The following MYH14 variants were observed in gnomAD, a reference collection of about 807,000 sequenced individuals.
The protein encoded by MYH14 is myosin heavy chain 14, also known as myosin-14.
MYH14 carries 123 observed loss-of-function variants against 255.5 expected under a neutral mutation model. That is an observed-to-expected ratio of 0.48 (90% CI 0.42 to 0.56). The LOEUF is 0.56. Among genes scored for constraint, MYH14 ranks in the 20% least tolerant of loss-of-function variants. MYH14 has a pLI of 0.00. For synonymous variants in MYH14, 1,095 were observed against 1,161.2 expected, an observed-to-expected ratio of 0.94 and a Z score of 1.16; for missense variants, 2,423 against 2,802.3, an observed-to-expected ratio of 0.86 and a Z score of 3.06.
intron 6 of MYH14, 95 bp downstream of exon 6, chr19:50,224,272 C>A: frequency 6.5e-7 from 1 of 1,540,550 alleles, no homozygotes; most frequent in Non-Finnish European, 9.0e-7. Context: ...CCCAAGGCAG[C>A]AGTGGTCCCA....
In MYH14 at chr19:50,252,880, G is replaced by C; in HGVS notation, c.1945+127G>C. On this transcript the variant is annotated intron_variant, in intron 16 of 42. Coordinates refer to ENST00000642316, the MANE Select transcript of MYH14 (RefSeq NM_001145809.2). This position sits in a 1 kb window ranked among gnomAD's most constrained non-coding sequence, Gnocchi z 4.2. ...GAGTTTTCTGCTCAGACCCAGAATA[G>C]CCAGTGTCACAAATAGTATTTCAAA... The C allele has an allele frequency of 3.2e-6, 2 of 617,526 alleles. No homozygotes were observed. Among genetic ancestry groups the C allele is most frequent in the East Asian group, 5.5e-5 (2 of 36,272 alleles). The allele number at this position is 617,526 out of a possible 1,614,324, so 38.3% of individuals were successfully genotyped here. A position where few individuals can be genotyped will look rare whatever the true frequency, so the allele number is the denominator to read the frequency against.
At position 50,231,929 on chromosome 19, in the gene MYH14, G is replaced by T; in HGVS notation, c.974-1G>T. The T allele has an allele frequency of 1.2e-6, 2 of 1,613,864 alleles. No individual in the cohort carries two copies. The highest frequency in any genetic ancestry group is 8.5e-7 in the Non-Finnish European group (1 of 1,179,866). On this transcript the variant is annotated splice_acceptor_variant, in intron 9 of 42. Transcript: ENST00000642316. LOFTEE classifies it high-confidence loss of function. ...CTTGACCCCACTCATTGTCCCTGCA[G>T]CCGACCTCCTCCTCGAGCCCTGCTC...
At chr19:50,210,850 G>T (rs1009839736) in intron 2 of MYH14, 80 bp downstream of exon 2, 2 of 1,514,640 alleles carry the variant, frequency 1.3e-6, no homozygotes, top group Non-Finnish European at 1.8e-6. Flanking sequence ...CGGCTCCCCT[G>T]CATTAACTTG....
Position 50,278,194 on chromosome 19 carries a change from C to T in MYH14, c.3937C>T (p.Arg1313Cys), listed in dbSNP as rs886854359. 22 of 1,610,512 alleles carry T rather than the reference C, an allele frequency of 1.4e-5. No individual in the cohort carries two copies. Among genetic ancestry groups the T allele is most frequent in the Admixed American group, 5.0e-5 (3 of 59,620 alleles). ...TARQEGEQRR[R>C]RLELQLQEVQ... ...ACGTCAGGAGGGTGAGCAGCGGAGG[C>T]GCCGCCTGGAGTTACAGCTGCAGGA... The change falls in exon 30 of 43, where the codon CGC (arginine) becomes TGC (cysteine). Residue 1313 changes from arginine to cysteine, a missense_variant. Physicochemically the swap from Arg to Cys is radical, Grantham distance 180. Coordinates refer to ENST00000642316, the MANE Select transcript of MYH14 (RefSeq NM_001145809.2).
chr19:50,224,683 G>A, intron 6 of MYH14: 1 of 410,926 alleles, frequency 2.4e-6, no homozygotes, highest in Non-Finnish European at 4.9e-6. Flanking sequence ...GGGCTGGAGG[G>A]AAGTTTGGAG....
chr19:50,304,929 G>A (rs1325396085), intron 40 of MYH14, among the ~76,000 whole-genome samples: 1 of 152,152 alleles, frequency 6.6e-6, no homozygotes, highest in Admixed American at 6.5e-5. Context: ...AAGTCTGGGA[G>A]ACATCAGGGC....
At chr19:50,258,742 A>AC (rs2034698357) in intron 18 of MYH14, 1 of 153,542 alleles carries the variant, frequency 6.5e-6, no homozygotes, top group Non-Finnish European at 1.4e-5. Context: ...AAAAAAAAAA[A>AC]AACGAACAAA....
At chr19:50,302,720 G>A (rs1478280985) in intron 40 of MYH14, among the ~76,000 whole-genome samples, 3 of 151,964 alleles carry the variant, frequency 2.0e-5, no homozygotes, top group East Asian at 3.9e-4. Flanking sequence ...GACCAACATG[G>A]AGAAACTGCG....
chr19:50,207,481 G>A (rs935400944), intron 1 of MYH14, among the ~76,000 whole-genome samples: 1 of 152,022 alleles, frequency 6.6e-6, no homozygotes, highest in Non-Finnish European at 1.5e-5. Flanking sequence ...GGTTGCCTCC[G>A]AGATAGCTGG....
rs1043142332 is a variant in MYH14 at position 50,250,063 on chromosome 19, G to C, written c.1656+240G>C. On this transcript the variant is annotated intron_variant, in intron 14 of 42. Transcript: ENST00000642316. This position sits in a 1 kb window ranked among gnomAD's most constrained non-coding sequence, Gnocchi z 5.4. ...GTTAATCAGAGCTCTCACCGTAACT[G>C]TTGTTCTCACGTTTGTTTTTTGTTT... Among the ~76,000 whole-genome samples, 1 of 152,198 alleles carries C rather than the reference G, an allele frequency of 6.6e-6. No individual in the cohort carries two copies. The highest frequency in any genetic ancestry group is 1.5e-5 in the Non-Finnish European group (1 of 68,020).
In MYH14 at chr19:50,263,305, C is replaced by T. The variant is rs1365150434; in HGVS notation, c.2586-7C>T. ...CCACTCTGCCCCTCACCCATTTCCC[C>T]ACCCAGGGCCTTCCAGAAGCGCCAG... On this transcript the variant is annotated splice_polypyrimidine_tract_variant and splice_region_variant and intron_variant, in intron 21 of 42. Coordinates refer to ENST00000642316, the MANE Select transcript of MYH14 (RefSeq NM_001145809.2). 1.3e-6 allele frequency: 2 copies of T among 1,524,386 alleles called. No homozygotes were observed. Among genetic ancestry groups the T allele is most frequent in the Admixed American group, 4.1e-5 (2 of 48,430 alleles). 94.4% of individuals were successfully genotyped at this position (1,524,386 alleles called of 1,614,324 possible).
At chr19:50,255,515 G>T (rs1454532462) in intron 17 of MYH14, among the ~76,000 whole-genome samples, 197 bp downstream of exon 17, 1 of 152,144 alleles carries the variant, frequency 6.6e-6, no homozygotes, top group Non-Finnish European at 1.5e-5. Flanking sequence ...TAACTAAACT[G>T]CATGTAAAAG....
At chr19:50,232,403 C>A (rs1210740443) in intron 10 of MYH14, among the ~76,000 whole-genome samples, 1 of 151,158 alleles carries the variant, frequency 6.6e-6, no homozygotes, top group Non-Finnish European at 1.5e-5. Flanking sequence ...ACCAGCCTGG[C>A]CAATATGGTG....
chr19:50,224,032 T>TGCC, intron 5 of MYH14, 122 bp from the exon 6 acceptor site: 1 of 610,330 alleles, frequency 1.6e-6, no homozygotes, highest in Non-Finnish European at 3.0e-6. Context: ...ATGCCCGGTT[T>TGCC]CCCCAGTCCC....
chr19:50,294,483 G>A (rs1404841350), intron 39 of MYH14, among the ~76,000 whole-genome samples: 1 of 145,706 alleles, frequency 6.9e-6, no homozygotes, highest in African/African-American at 2.6e-5. Context: ...TGCCCAAGCT[G>A]GAGTGCAGTG....
intron 3 of MYH14, among the ~76,000 whole-genome samples, chr19:50,220,363 T>C (rs1204598209): frequency 2.3e-5 from 1 of 42,578 alleles, no homozygotes; most frequent in East Asian, 1.1e-3. Flanking sequence ...TATTTTATTA[T>C]ACTTTATTTT....
At chr19:50,282,638 G>A (rs1192762236) in intron 33 of MYH14, among the ~76,000 whole-genome samples, 1 of 152,144 alleles carries the variant, frequency 6.6e-6, no homozygotes, top group Non-Finnish European at 1.5e-5. Flanking sequence ...GAAAGGCGGA[G>A]GTTGCAGTGA....
At chr19:50,282,576 G>A (rs1247917776) in intron 33 of MYH14, among the ~76,000 whole-genome samples, 5 of 152,152 alleles carry the variant, frequency 3.3e-5, no homozygotes, top group Non-Finnish European at 1.5e-5. Flanking sequence ...GGCGGTGTGC[G>A]CCTGTAATCC....
intron 23 of MYH14, among the ~76,000 whole-genome samples, chr19:50,267,243 A>G (rs1192810711): frequency 7.9e-6 from 1 of 125,800 alleles, no homozygotes; most frequent in Non-Finnish European, 1.6e-5. Context: ...TAGCCAGGGT[A>G]TGGGCCGGGT....
Sources: gnomAD v4.1 joint callset for allele counts (sites outside exome capture counted in the v4.1 genomes callset) on GRCh38, gnomAD v4.1.1 for gene constraint, Gnocchi (gnomAD v3.1) non-coding constraint, MANE v1.5 for transcripts, NCBI Gene and HGNC (gene_info 2026-07-23, HGNC 2026-07-21) for gene names.